LRRC53: variants seen among roughly 807,000 people sequenced by gnomAD.
LRRC53 encodes leucine rich repeat containing 53, also known as leucine-rich repeat-containing protein 53.
In LRRC53, 25 loss-of-function variants were observed where a neutral mutation model predicts 13.6. The observed-to-expected ratio is 1.83, with a 90% CI of 1.34 to 2.56. LRRC53 has a LOEUF of 2.56. Ranked by LOEUF, LRRC53 falls within the 30% of genes most tolerant of loss-of-function variation. The pLI is 0.00. For missense variants in LRRC53, 527 were observed against 275.8 expected, an observed-to-expected ratio of 1.91 and a Z score of -6.45; for synonymous variants, 204 against 109.8, an observed-to-expected ratio of 1.86 and a Z score of -5.37.
the LRRC53 span, among the ~76,000 whole-genome samples, chr1:74,524,184 A>G: frequency 2.1e-3 from 313 of 152,350 alleles, 1 homozygote; most frequent in African/African-American, 7.2e-3. Flanking sequence ...TCTTTAAAAC[A>G]CAGAGTAACC....
chr1:74,489,950 A>C (rs1326733007), intron 1 of LRRC53, among the ~76,000 whole-genome samples: 1 of 150,628 alleles, frequency 6.6e-6, no homozygotes, highest in Non-Finnish European at 1.5e-5. Context: ...GCATTTGCAT[A>C]TGCAGGGAAG....
At chr1:74,520,541 G>A in the LRRC53 span, among the ~76,000 whole-genome samples, 1 of 151,542 alleles carries the variant, frequency 6.6e-6, no homozygotes, top group Non-Finnish European at 1.5e-5. Flanking sequence ...GTCCTTGCTT[G>A]TCTCTTTTGA....
intron 1 of LRRC53, among the ~76,000 whole-genome samples, chr1:74,490,397 G>A (rs1669006420): frequency 6.6e-6 from 1 of 152,118 alleles, no homozygotes. Flanking sequence ...TGAAACTTAG[G>A]GTTTGAGTGA....
chr1:74,469,726 T>C lies in LRRC53; in HGVS notation c.*152A>G, dbSNP rs1303089437. Among the ~76,000 whole-genome samples, 1 of 152,184 alleles carries C rather than the reference T, an allele frequency of 6.6e-6. No individual in the cohort carries two copies. The highest frequency in any genetic ancestry group is 1.5e-5 in the Non-Finnish European group (1 of 68,006). ...TTGATTTTTGTCATATATTCAACTCTGGTTTTATTTTATTGATAACAAAGA... is the reference window on the plus strand; with the variant it reads ...TTGATTTTTGTCATATATTCAACTCCGGTTTTATTTTATTGATAACAAAGA... On this transcript the variant is annotated 3_prime_UTR_variant, in exon 5 of 5. Transcript: ENST00000294635.
chr1:74,505,839 C>T (rs539876944), intron 1 of LRRC53, among the ~76,000 whole-genome samples: 65 of 152,248 alleles, frequency 4.3e-4, no homozygotes, highest in African/African-American at 1.6e-3. Context: ...AAATCTTCAC[C>T]ATTAATATTT....
chr1:74,527,048 A>G, the LRRC53 span, among the ~76,000 whole-genome samples: 1 of 152,222 alleles, frequency 6.6e-6, no homozygotes, highest in Non-Finnish European at 1.5e-5. Flanking sequence ...TGCCTGCTCT[A>G]AAAGCATAAA....
intron 1 of LRRC53, among the ~76,000 whole-genome samples, chr1:74,510,708 T>C (rs1285385044): frequency 1.3e-5 from 2 of 152,314 alleles, no homozygotes; most frequent in Middle Eastern, 3.4e-3. Flanking sequence ...TTGAACAGTA[T>C]ATAAAGTTTA....
At position 74,469,841 on chromosome 1, in the gene LRRC53, G is replaced by A; in HGVS notation, c.*37C>T. On this transcript the variant is annotated 3_prime_UTR_variant, in exon 5 of 5. Transcript: ENST00000294635. ...GTTTGTCCTCTTGAAGAAAGCTAAA[G>A]TAGAAAAGGATTATTATTTGAGTTA... is the stretch of plus-strand genomic sequence containing the variant. The A allele has an allele frequency of 5.0e-6, 2 of 400,306 alleles. No homozygotes were observed. The highest frequency in any genetic ancestry group is 1.3e-4 in the South Asian group (1 of 7,902). 24.8% of individuals were successfully genotyped at this position (400,306 alleles called of 1,614,324 possible).
At chr1:74,530,905 T>C in the LRRC53 span, among the ~76,000 whole-genome samples, 1 of 152,166 alleles carries the variant, frequency 6.6e-6, no homozygotes, top group Non-Finnish European at 1.5e-5. Flanking sequence ...GGTAGTGTTG[T>C]TAGGTTACTG....
Position 74,469,929 on chromosome 1 carries a change from C to G in LRRC53, c.3693G>C (p.Leu1231=), listed in dbSNP as rs1437889912. 1 of 400,534 alleles carries G rather than the reference C, an allele frequency of 2.5e-6. No homozygotes were observed. Among genetic ancestry groups the G allele is most frequent in the Non-Finnish European group, 4.4e-6 (1 of 226,136 alleles). 24.8% of individuals were successfully genotyped at this position (400,534 alleles called of 1,614,324 possible). The part of the protein sequence containing the change: ...EAENSAPKPV[L]YPPSAEYATT... ...TAGCATATTCAGCAGATGGTGGATA[C>G]AGTACAGGTTTTGGAGCAGAGTTTT... The change falls in exon 5 of 5, where the codon CTG becomes CTC. Residue 1231 remains leucine (L), a synonymous_variant. Transcript: ENST00000294635.
At chr1:74,527,174 T>C in the LRRC53 span, among the ~76,000 whole-genome samples, 3 of 152,224 alleles carry the variant, frequency 2.0e-5, no homozygotes, top group Non-Finnish European at 4.4e-5. Context: ...TACTAGCCCG[T>C]GCCAGGTGCT....
At chr1:74,478,542 C>A (rs1158238730) in intron 3 of LRRC53, among the ~76,000 whole-genome samples, 1 of 152,068 alleles carries the variant, frequency 6.6e-6, no homozygotes, top group Non-Finnish European at 1.5e-5. Flanking sequence ...CTCTAGAACA[C>A]AAATTCAATG....
rs768942825 is a variant in LRRC53 at position 74,475,379 on chromosome 1, G to A, written c.1336C>T (p.Pro446Ser). 5 of 716,852 alleles carry A rather than the reference G, an allele frequency of 7.0e-6. No individual in the cohort carries two copies. Among genetic ancestry groups the A allele is most frequent in the South Asian group, 4.4e-5 (3 of 67,548 alleles). The allele number at this position is 716,852 out of a possible 1,614,324, so 44.4% of individuals were successfully genotyped here. A position where few individuals can be genotyped will look rare whatever the true frequency, so the allele number is the denominator to read the frequency against. Reference protein sequence around the residue: ...NEAGLLTTYNPRKVQKLWNLE... With the variant: ...NEAGLLTTYNSRKVQKLWNLE... ...TTCCATAGCTTTTGAACTTTCCTTG[G>A]ATTATATGTTGTAAGTAAGCCTGCT... is the stretch of plus-strand genomic sequence containing the variant. The change falls in exon 4 of 5, where the codon CCA becomes TCA. Residue 446 changes from proline to serine, a missense_variant. Coordinates refer to ENST00000294635, the MANE Select transcript of LRRC53 (RefSeq NM_001382280.1).
intron 4 of LRRC53, among the ~76,000 whole-genome samples, chr1:74,474,714 A>G (rs541185247): frequency 3.2e-4 from 48 of 152,284 alleles, no homozygotes; most frequent in Non-Finnish European, 6.5e-4. Context: ...TACAGTGGGT[A>G]GATGTCACGG....
the LRRC53 span, among the ~76,000 whole-genome samples, chr1:74,534,618 C>G: frequency 4.6e-5 from 7 of 152,136 alleles, no homozygotes; most frequent in Non-Finnish European, 1.0e-4. Context: ...CATTATTTTT[C>G]GTATTTCTTC....
At position 74,476,881 on chromosome 1, in the gene LRRC53, CT is replaced by C. The variant is rs369729455; in HGVS notation, c.905-1072del. Among the ~76,000 whole-genome samples, 920 of 152,012 alleles carry C rather than the reference CT, an allele frequency of 6.1e-3. 12 individuals carry two copies. Among genetic ancestry groups the C allele is most frequent in the African/African-American group, 0.021 (855 of 41,494 alleles). On this transcript the variant is annotated intron_variant, in intron 3 of 4. Transcript: ENST00000294635. ...GGAGGGTATCAGGTCATGATTGTTT[CT>C]TTTTTTTCTGTTAAAGATGAAGAGC... is the stretch of plus-strand genomic sequence containing the variant.
At chr1:74,487,468 T>C (rs1458866565) in intron 1 of LRRC53, among the ~76,000 whole-genome samples, 2 of 152,092 alleles carry the variant, frequency 1.3e-5, no homozygotes, top group Non-Finnish European at 2.9e-5. Flanking sequence ...CATGGGAGAT[T>C]AGAGGGTCAA....
At chr1:74,527,416 A>G in the LRRC53 span, among the ~76,000 whole-genome samples, 82 of 152,354 alleles carry the variant, frequency 5.4e-4, no homozygotes, top group African/African-American at 1.9e-3. Flanking sequence ...AATAGGAAAC[A>G]CAAGATTAGA....
rs1316406143 is a variant in LRRC53, at chr1:74,469,588, T to C, written c.*290A>G. The C allele has an allele frequency of 7.8e-6, 2 of 257,646 alleles. No individual in the cohort carries two copies. The highest frequency in any genetic ancestry group is 1.4e-5 in the Non-Finnish European group (2 of 137,976). 16.0% of individuals were successfully genotyped at this position (257,646 alleles called of 1,614,324 possible). ...TTCATTTGTTTAAGGCTTTTTTTTTTTCAATGTTTGCTTGCTTTTGCAAGA... is the reference window on the plus strand; with the variant it reads ...TTCATTTGTTTAAGGCTTTTTTTTTCTCAATGTTTGCTTGCTTTTGCAAGA... On this transcript the variant is annotated 3_prime_UTR_variant, in exon 5 of 5. Coordinates refer to ENST00000294635, the MANE Select transcript of LRRC53 (RefSeq NM_001382280.1).
Sources: gnomAD v4.1 joint callset for allele counts (sites outside exome capture counted in the v4.1 genomes callset) on GRCh38, gnomAD v4.1.1 for gene constraint, MANE v1.5 for transcripts, NCBI Gene and HGNC (gene_info 2026-07-23, HGNC 2026-07-21) for gene names.